NOL10: variants seen among roughly 807,000 people sequenced by gnomAD.
The protein encoded by NOL10 is nucleolar protein 10, also known as H_NH0074G24.1.
A neutral mutation model predicts 103.5 loss-of-function variants in NOL10; 58 were observed. The ratio of observed to expected loss-of-function variants is 0.56; its 90% CI spans 0.45 to 0.70. NOL10 has a LOEUF of 0.70. Ranked by LOEUF, NOL10 falls within the 30% of genes least tolerant of loss-of-function variation. The pLI is 0.00. For missense variants in NOL10, 763 were observed against 807.3 expected (o/e 0.95, Z 0.67); for synonymous variants, 287 against 282.5 (o/e 1.02, Z -0.16).
At chr2:10,633,281 G>A (rs1677959821) in intron 13 of NOL10, among the ~76,000 whole-genome samples, 3 of 151,840 alleles carry the variant, frequency 2.0e-5, no homozygotes, top group Non-Finnish European at 4.4e-5. Flanking sequence ...TGCCCAAGCT[G>A]GATTTGAACT....
chr2:10,671,520 G>C (rs1435085649), intron 6 of NOL10, 34 bp downstream of exon 6: 34 of 1,473,814 alleles, frequency 2.3e-5, no homozygotes, highest in Non-Finnish European at 3.0e-5. Context: ...TGTTTTAGGA[G>C]GTGAAAAGGA....
In NOL10 at chr2:10,682,027, G is replaced by C. The variant is rs775830332; in HGVS notation, c.155C>G (p.Pro52Arg). The C allele has an allele frequency of 6.5e-7, 1 of 1,533,376 alleles. No individual in the cohort carries two copies. The highest frequency in any genetic ancestry group is 8.8e-7 in the Non-Finnish European group (1 of 1,138,208). 95.0% of individuals were successfully genotyped at this position (1,533,376 alleles called of 1,614,324 possible). The change falls in exon 3 of 21, where the codon CCT becomes CGT. Residue 52 changes from proline (P) to arginine (R), a missense_variant. Pro to Arg is a moderately radical substitution (Grantham distance 103, BLOSUM62 -2). Transcript: ENST00000381685. ...CACCTTAATAGTGGTACACACAGTA[G>C]GCATTTCAAAGTCCTGAATAAGTTC... is the stretch of plus-strand genomic sequence containing the variant. ...RIELIQDFEM[P>R]TVCTTIKVSK...
rs79898164 is a variant in NOL10, at chr2:10,685,641, C to T, written c.67-1029G>A. Among the ~76,000 whole-genome samples, 34 of 152,096 alleles carry T rather than the reference C, an allele frequency of 2.2e-4. No homozygotes were observed. In the East Asian group the frequency reaches 6.2e-3, roughly 28 times the overall value. ...TAGGTCAAATTGTGTGAATAAAAAT[C>T]GTAGCCCCAAGTCAAAAGTGTGATG... is the stretch of plus-strand genomic sequence containing the variant. On this transcript the variant is annotated intron_variant, in intron 1 of 20. Transcript: ENST00000381685.
At chr2:10,628,803 T>C (rs1275168347) in intron 13 of NOL10, among the ~76,000 whole-genome samples, 2 of 152,210 alleles carry the variant, frequency 1.3e-5, no homozygotes, top group African/African-American at 4.8e-5. Flanking sequence ...GCAAACTTTT[T>C]CAAACAGTCT....
chr2:10,623,270 TTACC>T lies in NOL10; in HGVS notation c.1027-15963_1027-15960del, dbSNP rs1326637476. On this transcript the variant is annotated intron_variant, in intron 13 of 20. Transcript: ENST00000381685. ...TTTAAGTCCTGATACTTCTCCAGTC[TTACC>T]GGAGAAGTATCAGTATCTCCCATTC... 3.4e-4 allele frequency among the ~76,000 whole-genome samples: 51 copies of T among 152,198 alleles called. No individual in the cohort carries two copies. The East Asian group carries it at 8.3e-3, about 25-fold the overall frequency.
At chr2:10,620,521 AAG>A (rs1677084307) in intron 13 of NOL10, among the ~76,000 whole-genome samples, 1 of 152,246 alleles carries the variant, frequency 6.6e-6, no homozygotes, top group African/African-American at 2.4e-5. Context: ...CATACAAAAT[AAG>A]ATTTCCCATA....
chr2:10,680,276 A>AAAGAAGGAG (rs1374681764), intron 3 of NOL10, among the ~76,000 whole-genome samples: 11 of 140,432 alleles, frequency 7.8e-5, no homozygotes, highest in Non-Finnish European at 1.7e-4. Context: ...GACTCTTAAA[A>AAAGAAGGAG]AAGAAGGAGA....
chr2:10,688,166 T>C (rs892343853), intron 1 of NOL10, among the ~76,000 whole-genome samples: 10 of 152,198 alleles, frequency 6.6e-5, no homozygotes, highest in Non-Finnish European at 1.5e-4. Context: ...CACTGTGTTT[T>C]AGCATCTTCT....
rs1257057717 is a variant in NOL10, at chr2:10,659,248, A to C, written c.680T>G (p.Ile227Arg). 2 of 1,582,354 alleles carry C rather than the reference A, an allele frequency of 1.3e-6. No individual in the cohort carries two copies. Among genetic ancestry groups the C allele is most frequent in the African/African-American group, 2.7e-5 (2 of 73,984 alleles). Residue 227 changes from isoleucine to arginine, a missense_variant and splice_region_variant, in exon 10 of 21, where the codon ATA becomes AGA. Ile to Arg is a moderately conservative substitution (Grantham distance 97, BLOSUM62 -3). Transcript: ENST00000381685. ...ALNSVTADSE[I>R]NSLPTISALK... ...AGCAGAGATTGTTGGTAAACTGTTT[A>C]TCCTGAAAAGCAAAATATTCATGCT...
intron 17 of NOL10, 22 bp from the exon 18 acceptor site, chr2:10,589,773 T>A (rs1242878958): frequency 7.2e-7 from 1 of 1,397,802 alleles, no homozygotes; most frequent in South Asian, 1.7e-5. Context: ...AAAAAGTACG[T>A]AAAAATTTAA....
intron 13 of NOL10, among the ~76,000 whole-genome samples, chr2:10,630,708 C>G (rs1370612210): frequency 6.6e-6 from 1 of 152,092 alleles, no homozygotes; most frequent in African/African-American, 2.4e-5. Flanking sequence ...GAGCAAGACA[C>G]TGTCTCAGGA....
intron 13 of NOL10, among the ~76,000 whole-genome samples, chr2:10,613,352 G>A (rs1488015096): frequency 6.6e-6 from 1 of 152,162 alleles, no homozygotes; most frequent in Non-Finnish European, 1.5e-5. Flanking sequence ...AAAGTTAAGT[G>A]CTAAAGTCAA....
At chr2:10,576,690 G>A (rs1343489295) in intron 20 of NOL10, among the ~76,000 whole-genome samples, 1 of 152,226 alleles carries the variant, frequency 6.6e-6, no homozygotes, top group Non-Finnish European at 1.5e-5. Flanking sequence ...AAGTAGATTA[G>A]TGGTTGCCAG....
chr2:10,662,936 A>C (rs1680298720), intron 9 of NOL10, 23 bp downstream of exon 9: 5 of 1,556,198 alleles, frequency 3.2e-6, no homozygotes, highest in Non-Finnish European at 4.4e-6. Context: ...GAACATTTAC[A>C]TTGCAAATTA....
At chr2:10,673,895 T>C (rs141368343) in intron 4 of NOL10, among the ~76,000 whole-genome samples, 4 of 152,210 alleles carry the variant, frequency 2.6e-5, no homozygotes, top group Admixed American at 6.5e-5. Flanking sequence ...AACAAAAAAA[T>C]TGTTGCTTAA....
intron 20 of NOL10, among the ~76,000 whole-genome samples, chr2:10,576,871 T>C (rs991290029): frequency 2.6e-5 from 4 of 152,042 alleles, no homozygotes; most frequent in Non-Finnish European, 4.4e-5. Context: ...GTGAATTATA[T>C]CTCAATTTTA....
intron 3 of NOL10, among the ~76,000 whole-genome samples, chr2:10,677,871 G>GTGTGTGTGTA (rs201387297): frequency 0.095 from 13,829 of 145,762 alleles, 644 homozygotes; most frequent in Admixed American, 0.12. Flanking sequence ...GTGTGTGTGT[G>GTGTGTGTGTA]TATACACATA....
chr2:10,646,452 G>T (rs1423411634), intron 12 of NOL10, among the ~76,000 whole-genome samples: 2 of 152,088 alleles, frequency 1.3e-5, no homozygotes, highest in Non-Finnish European at 2.9e-5. Flanking sequence ...AATGGAGGAG[G>T]ATCTCACACA....
At chr2:10,625,515 C>A (rs1677405140) in intron 13 of NOL10, among the ~76,000 whole-genome samples, 1 of 152,122 alleles carries the variant, frequency 6.6e-6, no homozygotes, top group Non-Finnish European at 1.5e-5. Context: ...TTTCAATGTC[C>A]CACTACTATC....
Sources: allele counts gnomAD v4.1 joint callset (sites outside exome capture counted in the v4.1 genomes callset), GRCh38; gene constraint gnomAD v4.1.1; transcripts MANE v1.5; gene names NCBI Gene and HGNC (gene_info 2026-07-23, HGNC 2026-07-21).